ARMC9: variants seen among roughly 807,000 people sequenced by gnomAD.
The protein encoded by ARMC9 is armadillo repeat containing 9.
ARMC9 carries 94 observed loss-of-function variants against 107.0 expected under a neutral mutation model. That is an observed-to-expected ratio of 0.88 (90% CI 0.74 to 1.04). ARMC9 has a LOEUF of 1.04. Among genes scored for constraint, ARMC9 ranks in the 50% least tolerant of loss-of-function variants. The pLI is 0.00. For synonymous variants in ARMC9, 380 were observed against 396.9 expected (o/e 0.96, Z 0.51); for missense variants, 942 against 1,030.1 (o/e 0.91, Z 1.17).
At position 231,360,806 on chromosome 2, in the gene ARMC9, G is replaced by GCCTCGCCCAGCCCC. The variant is rs2045540601; in HGVS notation, c.2186_2199dup (p.Thr734LeufsTer23). 6.5e-7 allele frequency: 1 copy of GCCTCGCCCAGCCCC among 1,536,042 alleles called. No homozygotes were observed. The highest frequency in any genetic ancestry group is 8.7e-7 in the Non-Finnish European group (1 of 1,146,924). On this transcript the variant is annotated frameshift_variant, in exon 23 of 25. Coordinates refer to ENST00000611582, the MANE Select transcript of ARMC9 (RefSeq NM_001352754.2). LOFTEE classifies it high-confidence loss of function. The surrounding 1 kb of genome is among the most constrained non-coding windows in gnomAD (Gnocchi z 4.7). ...GGCTCCCAAGAGGACGCCAGGAAGA[G>GCCTCGCCCAGCCCC]CCTCGCCCAGCCCCCACGGGGACCC...
intron 3 of ARMC9, among the ~76,000 whole-genome samples, chr2:231,211,948 C>T (rs985670923): frequency 6.6e-6 from 1 of 152,138 alleles, no homozygotes; most frequent in Middle Eastern, 3.4e-3. Context: ...AGCTGTGTCC[C>T]CCACTATGGT....
chr2:231,267,587 C>T lies in ARMC9; in HGVS notation c.1120-3395C>T, dbSNP rs558835967. Among the ~76,000 whole-genome samples the T allele has an allele frequency of 6.6e-5, 10 of 152,248 alleles. No homozygotes were observed. The South Asian group carries it at 1.9e-3, about 28-fold the overall frequency. ...TGAGCTGCTGTGTATTTTGGCTTTA[C>T]GCTCACTTGATCTACTTCTAGTTCT... On this transcript the variant is annotated intron_variant, in intron 12 of 24. Transcript: ENST00000611582.
rs886733329 is a variant in ARMC9, at chr2:231,255,300, G to A, written c.880-1286G>A. On this transcript the variant is annotated intron_variant, in intron 9 of 24. Transcript: ENST00000611582. This position sits in a 1 kb window ranked among gnomAD's most constrained non-coding sequence, Gnocchi z 4.7. ...AGGATCAGGATTAAAAGAGAGTGGGGTGGAAGAGGGGTTGTTAATGTTTTT... is the reference window on the plus strand; with the variant it reads ...AGGATCAGGATTAAAAGAGAGTGGGATGGAAGAGGGGTTGTTAATGTTTTT... Among the ~76,000 whole-genome samples, 1 of 152,106 alleles carries A rather than the reference G, an allele frequency of 6.6e-6. No individual in the cohort carries two copies. The highest frequency in any genetic ancestry group is 1.5e-5 in the Non-Finnish European group (1 of 68,018).
chr2:231,269,529 G>T (rs775618788), intron 12 of ARMC9, among the ~76,000 whole-genome samples: 2 of 151,158 alleles, frequency 1.3e-5, no homozygotes, highest in Non-Finnish European at 2.9e-5. Flanking sequence ...GGGATTACAG[G>T]TGTGTGCCAC....
intron 5 of ARMC9, 94 bp from the exon 6 acceptor site, chr2:231,222,634 T>C: frequency 3.1e-6 from 2 of 643,844 alleles, no homozygotes; most frequent in Admixed American, 6.7e-5. Context: ...TTTCAATCAC[T>C]GTGCAGGGTT....
At chr2:231,212,639 G>T (rs941148171) in intron 3 of ARMC9, among the ~76,000 whole-genome samples, 5 of 152,250 alleles carry the variant, frequency 3.3e-5, no homozygotes, top group Non-Finnish European at 7.3e-5. Flanking sequence ...CAAGCATGGG[G>T]CTGAGCCTGG....
intron 3 of ARMC9, among the ~76,000 whole-genome samples, chr2:231,210,659 A>T (rs2032696271): frequency 1.3e-5 from 2 of 152,320 alleles, no homozygotes; most frequent in South Asian, 4.1e-4. Flanking sequence ...GTCCCTCCAG[A>T]GGTGGCTGCT....
At chr2:231,366,925 A>G (rs2045842543) in intron 23 of ARMC9, among the ~76,000 whole-genome samples, 2 of 149,328 alleles carry the variant, frequency 1.3e-5, no homozygotes, top group South Asian at 4.3e-4. Flanking sequence ...ATCTCGGCTC[A>G]CTGCAACCTC....
rs773618086 is a variant in ARMC9 at position 231,269,398 on chromosome 2, C to CTTTTTTTTTTTTTTT, written c.1120-1577_1120-1563dup. Among the ~76,000 whole-genome samples, 16 of 112,378 alleles carry CTTTTTTTTTTTTTTT rather than the reference C, an allele frequency of 1.4e-4. 1 individual carries two copies. The highest frequency in any genetic ancestry group is 5.8e-4 in the African/African-American group (15 of 25,768). The allele number at this position is 112,378 out of a possible 152,430, so 73.7% of individuals were successfully genotyped here. A position where few individuals can be genotyped will look rare whatever the true frequency, so the allele number is the denominator to read the frequency against. ...TCTTTAGGAGATTTCTTTTCTTCTTCTTTTTTTTTTTTTTTTTTTTTGAGA... is the reference window on the plus strand; with the variant it reads ...TCTTTAGGAGATTTCTTTTCTTCTTCTTTTTTTTTTTTTTTTTTTTTTTTTTTTTTTTTTTTGAGA... On this transcript the variant is annotated intron_variant, in intron 12 of 24. Coordinates refer to ENST00000611582, the MANE Select transcript of ARMC9 (RefSeq NM_001352754.2).
intron 19 of ARMC9, among the ~76,000 whole-genome samples, chr2:231,304,667 G>A (rs549817260): frequency 1.3e-5 from 2 of 152,300 alleles, no homozygotes; most frequent in South Asian, 4.1e-4. Context: ...AAAGTGCTGG[G>A]ATTACAGGTG....
rs368175498 is a variant in ARMC9 at position 231,254,214 on chromosome 2, T to G, written c.880-2372T>G. On this transcript the variant is annotated intron_variant, in intron 9 of 24. Transcript: ENST00000611582. ...AATTGAGAGAATGTGTGTATCATCT[T>G]GAGGTAGGGTAGACCTTCTTAAGCA... 9.8e-5 allele frequency among the ~76,000 whole-genome samples: 15 copies of G among 152,322 alleles called. No homozygotes were observed. In the East Asian group the frequency reaches 2.9e-3, roughly 29 times the overall value.
chr2:231,207,422 A>ATTG (rs2032179652), intron 2 of ARMC9, among the ~76,000 whole-genome samples: 1 of 151,630 alleles, frequency 6.6e-6, no homozygotes, highest in Admixed American at 6.6e-5. Context: ...AGCCTCCCAA[A>ATTG]GTGTTGGGAT....
At chr2:231,357,990 C>G (rs1284824218) in intron 22 of ARMC9, among the ~76,000 whole-genome samples, 1 of 152,198 alleles carries the variant, frequency 6.6e-6, no homozygotes, top group Non-Finnish European at 1.5e-5. Flanking sequence ...GGAGTAGATT[C>G]CATTCTGACC....
At chr2:231,335,220 T>C (rs2125564206) in intron 20 of ARMC9, among the ~76,000 whole-genome samples, 1 of 152,308 alleles carries the variant, frequency 6.6e-6, no homozygotes, top group Middle Eastern at 3.4e-3. Context: ...CCAGCAGGTG[T>C]GATCCTGCAG....
intron 20 of ARMC9, among the ~76,000 whole-genome samples, chr2:231,338,509 G>A (rs2044279332): frequency 6.7e-6 from 1 of 149,684 alleles, no homozygotes. Context: ...TTACAGGCAT[G>A]AGCCACCTCG....
chr2:231,376,706 A>G lies in ARMC9; in HGVS notation c.*5171A>G, dbSNP rs2046208317. ...ATTCTATTACCCTGTTAAGTACTTG[A>G]TGTCTGTCACCCACACCTATTCGCA... On this transcript the variant is annotated 3_prime_UTR_variant, in exon 25 of 25. Coordinates refer to ENST00000611582, the MANE Select transcript of ARMC9 (RefSeq NM_001352754.2). Among the ~76,000 whole-genome samples, 1 of 151,940 alleles carries G rather than the reference A, an allele frequency of 6.6e-6. No individual in the cohort carries two copies. The highest frequency in any genetic ancestry group is 1.5e-5 in the Non-Finnish European group (1 of 68,000).
intron 15 of ARMC9, 135 bp downstream of exon 15, chr2:231,276,910 A>G: frequency 7.9e-7 from 1 of 1,269,792 alleles, no homozygotes; most frequent in African/African-American, 1.5e-5. Context: ...AGTAGAAAGC[A>G]TTTCCAACTA....
intron 20 of ARMC9, among the ~76,000 whole-genome samples, chr2:231,341,838 T>C (rs2044535396): frequency 6.6e-6 from 1 of 152,224 alleles, no homozygotes; most frequent in African/African-American, 2.4e-5. Flanking sequence ...AATAATATGC[T>C]CTTTTTTTAT....
intron 5 of ARMC9, among the ~76,000 whole-genome samples, chr2:231,220,744 A>G (rs1364458176): frequency 6.6e-6 from 1 of 152,214 alleles, no homozygotes; most frequent in Non-Finnish European, 1.5e-5. Context: ...AGAAAAAATA[A>G]GAATGGTCAA....
Sources: allele counts gnomAD v4.1 joint callset (sites outside exome capture counted in the v4.1 genomes callset), GRCh38; gene constraint gnomAD v4.1.1; non-coding constraint Gnocchi (gnomAD v3.1); transcripts MANE v1.5; gene names NCBI Gene and HGNC (gene_info 2026-07-23, HGNC 2026-07-21).